The following MAST4 variants were observed in gnomAD, a reference collection of about 807,000 sequenced individuals.
MAST4 encodes the protein microtubule associated serine/threonine kinase family member 4.
In MAST4, 89 loss-of-function variants were observed where a neutral mutation model predicts 162.7. The ratio of observed to expected loss-of-function variants is 0.55; its 90% CI spans 0.46 to 0.65. The LOEUF is 0.65. Among genes scored for constraint, MAST4 ranks in the 30% least tolerant of loss-of-function variants. MAST4 has a pLI of 0.00. For missense variants in MAST4, 3,153 were observed against 3,374.0 expected (o/e 0.93, Z 1.62); for synonymous variants, 1,479 against 1,361.1 (o/e 1.09, Z -1.91).
intron 1 of MAST4, among the ~76,000 whole-genome samples, chr5:66,755,072 G>A (rs1753446330): frequency 6.6e-6 from 1 of 152,158 alleles, no homozygotes; most frequent in Admixed American, 6.5e-5. Flanking sequence ...TTTTAGAAGG[G>A]TCACTGCTGT....
intron 3 of MAST4, among the ~76,000 whole-genome samples, chr5:66,794,654 G>A (rs548188011): frequency 1.3e-5 from 2 of 152,198 alleles, no homozygotes; most frequent in East Asian, 3.9e-4. Flanking sequence ...CTCAAAATGT[G>A]CCAACCAAAC....
intron 3 of MAST4, among the ~76,000 whole-genome samples, chr5:66,847,147 A>G (rs1320396348): frequency 1.3e-5 from 2 of 152,194 alleles, no homozygotes; most frequent in Non-Finnish European, 2.9e-5. Context: ...GGGCCAAAAG[A>G]TGGTTTTGGA....
rs76970778 is a variant in MAST4 at position 67,098,621 on chromosome 5, C to G, written c.913-1814C>G. The stretch of plus-strand genomic sequence containing the variant: ...TTTGCAAAATGGTTACCTGGAGAGA[C>G]TAAATGCTTACTGAATGATATCATG... On this transcript the variant is annotated intron_variant, in intron 7 of 28. Transcript: ENST00000403625. Among the ~76,000 whole-genome samples the G allele has an allele frequency of 1.0e-3, 154 of 152,230 alleles. 5 individuals are homozygous for G. In the East Asian group the frequency reaches 0.028, roughly 28 times the overall value.
chr5:66,955,091 A>C (rs1295584840), intron 4 of MAST4, among the ~76,000 whole-genome samples: 1 of 151,736 alleles, frequency 6.6e-6, no homozygotes, highest in Non-Finnish European at 1.5e-5. Flanking sequence ...CTGTGGTCCC[A>C]GTTGCTCAGG....
At chr5:67,014,326 G>A (rs1753033561) in intron 4 of MAST4, among the ~76,000 whole-genome samples, 1 of 152,188 alleles carries the variant, frequency 6.6e-6, no homozygotes, top group Non-Finnish European at 1.5e-5. Flanking sequence ...TTCCATAGTA[G>A]GTCCCTAAGC....
chr5:66,761,874 C>G (rs1230999479), intron 2 of MAST4, among the ~76,000 whole-genome samples: 1 of 152,142 alleles, frequency 6.6e-6, no homozygotes, highest in Non-Finnish European at 1.5e-5. Context: ...AAAGATTATT[C>G]TCTTGTAGGT....
At chr5:67,020,718 C>T (rs954064447) in intron 4 of MAST4, among the ~76,000 whole-genome samples, 14 of 152,190 alleles carry the variant, frequency 9.2e-5, no homozygotes, top group African/African-American at 3.1e-4. Flanking sequence ...CAGGCCATCT[C>T]ACCTATGATA....
intron 1 of MAST4, among the ~76,000 whole-genome samples, chr5:66,650,972 A>C (rs1424755032): frequency 1.3e-5 from 2 of 152,220 alleles, no homozygotes; most frequent in East Asian, 3.8e-4. Context: ...AACTGCAGTC[A>C]CATGGCAAAG....
At chr5:66,789,757 A>G (rs35948700) in intron 3 of MAST4, 56,817 of 518,432 alleles carry the variant, frequency 0.11, 3,871 homozygotes, top group Admixed American at 0.16. Context: ...CCCACAATCT[A>G]TGAGCAACCT....
At chr5:67,144,863 GA>G in intron 22 of MAST4, 67 bp downstream of exon 22, 1 of 1,523,412 alleles carries the variant, frequency 6.6e-7, no homozygotes, top group Non-Finnish European at 8.9e-7. Context: ...AAACTTTAGT[GA>G]GCATCAGAAT....
chr5:66,700,659 G>C (rs939505336), intron 1 of MAST4, among the ~76,000 whole-genome samples: 2 of 151,544 alleles, frequency 1.3e-5, no homozygotes. Flanking sequence ...ATTCCAGCCT[G>C]GGCAACAACA....
intron 15 of MAST4, among the ~76,000 whole-genome samples, chr5:67,130,740 A>G (rs1768868509): frequency 6.6e-6 from 1 of 152,206 alleles, no homozygotes; most frequent in East Asian, 1.9e-4. Flanking sequence ...TTTATTACAT[A>G]TCATAAAAGT....
At chr5:66,845,194 GTGCCGTGTTGGTT>G (rs1436227244) in intron 3 of MAST4, among the ~76,000 whole-genome samples, 1 of 141,140 alleles carries the variant, frequency 7.1e-6, no homozygotes, top group East Asian at 2.3e-4. Context: ...ATGTATACAT[GTGCCGTGTTGGTT>G]TGCTGCACCC....
intron 1 of MAST4, among the ~76,000 whole-genome samples, chr5:66,757,480 A>G (rs1753610577): frequency 6.6e-6 from 1 of 152,194 alleles, no homozygotes; most frequent in Non-Finnish European, 1.5e-5. Flanking sequence ...TGTTAAGTCT[A>G]CCTGATATAA....
chr5:67,024,832 G>GTTT (rs11401659), intron 4 of MAST4, among the ~76,000 whole-genome samples: 1 of 147,656 alleles, frequency 6.8e-6, no homozygotes, highest in Non-Finnish European at 1.5e-5. Context: ...GGGATCCCAT[G>GTTT]TTTTTTTTTT....
chr5:67,012,299 G>A (rs1752782993), intron 4 of MAST4, among the ~76,000 whole-genome samples: 1 of 152,124 alleles, frequency 6.6e-6, no homozygotes. Flanking sequence ...CTTGGAATAG[G>A]ACTCTATCTG....
chr5:66,769,131 G>A (rs1754246383), intron 2 of MAST4, among the ~76,000 whole-genome samples: 1 of 152,182 alleles, frequency 6.6e-6, no homozygotes, highest in South Asian at 2.1e-4. Flanking sequence ...CGGTCTACGT[G>A]TTTGTGCAAA....
In MAST4 at chr5:67,166,482, A is replaced by G. The variant is rs765010817; in HGVS notation, c.7303A>G (p.Asn2435Asp). 4 of 1,604,334 alleles carry G rather than the reference A, an allele frequency of 2.5e-6. No individual in the cohort carries two copies. The highest frequency in any genetic ancestry group is 3.4e-6 in the Non-Finnish European group (4 of 1,175,392). The change falls in exon 29 of 29, where the codon AAT (asparagine) becomes GAT (aspartate). Residue 2435 changes from asparagine to aspartate, a missense_variant. Physicochemically the swap from Asn to Asp is conservative, Grantham distance 23 (BLOSUM62 1). Transcript: ENST00000403625. ...GCCACCGACGGAGGCAGACAAGCCC[A>G]ATGGCATGAAACGGTCCCCCTCAGC... ...QKPPTEADKP[N>D]GMKRSPSATG... is the part of the protein sequence containing the mutation.
chr5:67,005,779 A>T (rs1190497717), intron 4 of MAST4, among the ~76,000 whole-genome samples: 2 of 152,212 alleles, frequency 1.3e-5, no homozygotes, highest in Non-Finnish European at 2.9e-5. Flanking sequence ...ACTTTGAAGG[A>T]GGCATTTCTC....
Sources: gnomAD v4.1 joint callset for allele counts (sites outside exome capture counted in the v4.1 genomes callset) on GRCh38, gnomAD v4.1.1 for gene constraint, MANE v1.5 for transcripts, NCBI Gene and HGNC (gene_info 2026-07-23, HGNC 2026-07-21) for gene names.